Variants in OSBPL10 observed in about 807,000 individuals in gnomAD.
OSBPL10 encodes the protein oxysterol binding protein like 10, also known as oxysterol-binding protein-related protein 10.
In OSBPL10, 49 loss-of-function variants were observed where a neutral mutation model predicts 81.7. That is an observed-to-expected ratio of 0.60 (90% confidence interval 0.48 to 0.76). The LOEUF (loss-of-function observed/expected upper bound fraction) is 0.76. Ranked by LOEUF, OSBPL10 falls within the 30% of genes least tolerant of loss-of-function variation. The probability of loss-of-function intolerance (pLI) is 0.00; values close to 1 mark genes in which losing one functional copy is unlikely to be tolerated. For missense variants in OSBPL10, 923 were observed against 987.8 expected (o/e 0.93, Z 0.88); for synonymous variants, 419 against 383.6 (o/e 1.09, Z -1.08).
intron 1 of OSBPL10, among the ~76,000 whole-genome samples, chr3:31,974,613 C>T (rs1258525898): frequency 2.0e-5 from 3 of 152,118 alleles, no homozygotes; most frequent in Admixed American, 6.6e-5. Flanking sequence ...CCAAACATAA[C>T]GTTAAGAGAA....
At chr3:31,927,261 C>T (rs1271904224) in intron 1 of OSBPL10, among the ~76,000 whole-genome samples, 1 of 152,184 alleles carries the variant, frequency 6.6e-6, no homozygotes, top group African/African-American at 2.4e-5. Flanking sequence ...CCATGAAAAA[C>T]AAGCGTCACT....
intron 1 of OSBPL10, among the ~76,000 whole-genome samples, chr3:31,979,538 T>C (rs1344298682): frequency 6.6e-6 from 1 of 152,098 alleles, no homozygotes; most frequent in East Asian, 1.9e-4. Context: ...TAAGCAACTT[T>C]CCAGGGTATA....
At chr3:31,993,920 A>T (rs9882456) in intron 2 of OSBPL10, among the ~76,000 whole-genome samples, 2,318 of 152,340 alleles carry the variant, frequency 0.015, 66 homozygotes, top group African/African-American at 0.054. Flanking sequence ...TTGTTTGTGA[A>T]TGTTTATTGA....
At chr3:31,722,760 AAAT>A (rs1696686539) in intron 6 of OSBPL10, among the ~76,000 whole-genome samples, 1 of 152,190 alleles carries the variant, frequency 6.6e-6, no homozygotes, top group Non-Finnish European at 1.5e-5. Context: ...ATTTATCAAA[AAAT>A]AACCGTCATT....
chr3:31,736,001 C>T (rs183034585), intron 5 of OSBPL10, among the ~76,000 whole-genome samples: 5 of 152,072 alleles, frequency 3.3e-5, no homozygotes, highest in East Asian at 3.9e-4. Flanking sequence ...CTGAAGAAAT[C>T]GGAGACAGAA....
chr3:31,989,880 T>C, intron 2 of OSBPL10: 1 of 1,614,182 alleles, frequency 6.2e-7, no homozygotes, highest in Non-Finnish European at 8.5e-7. Context: ...GCAAGGTCTT[T>C]AATCAGAAGC....
chr3:32,026,145 G>T (rs2125549030), intron 2 of OSBPL10, among the ~76,000 whole-genome samples: 1 of 151,946 alleles, frequency 6.6e-6, no homozygotes, highest in Middle Eastern at 3.4e-3. Flanking sequence ...GAGATATATA[G>T]ATTTTTTTTT....
At chr3:31,859,571 T>G (rs1021944247) in intron 3 of OSBPL10, among the ~76,000 whole-genome samples, 1 of 152,210 alleles carries the variant, frequency 6.6e-6, no homozygotes, top group African/African-American at 2.4e-5. Flanking sequence ...GGACCCAATC[T>G]CCATCTTGGT....
In OSBPL10 at chr3:31,929,694, G is replaced by A. The variant is rs1697179105; in HGVS notation, c.282-49864C>T. Among the ~76,000 whole-genome samples the A allele has an allele frequency of 5.3e-5, 8 of 150,808 alleles. No homozygotes were observed. The South Asian group carries it at 1.7e-3, about 32-fold the overall frequency. ...ACCCGGGAGGCGGAGCTTGCAGTGA[G>A]CCGAGATAGCGCCACTGGACTCCAG... On this transcript the variant is annotated intron_variant, in intron 1 of 11. Transcript: ENST00000396556.
chr3:31,716,316 TTTTG>T (rs778881280), intron 6 of OSBPL10, among the ~76,000 whole-genome samples: 8 of 152,214 alleles, frequency 5.3e-5, no homozygotes, highest in Admixed American at 1.3e-4. Context: ...ACTTCATACT[TTTTG>T]TTTAAGTGTA....
intron 2 of OSBPL10, chr3:31,990,133 A>T: frequency 6.2e-7 from 1 of 1,611,670 alleles, no homozygotes; most frequent in Non-Finnish European, 8.5e-7. Context: ...AAAGGCTTTC[A>T]GGCGTGATTC....
chr3:31,905,841 C>CAA (rs371224530), intron 1 of OSBPL10, among the ~76,000 whole-genome samples: 7 of 143,250 alleles, frequency 4.9e-5, no homozygotes, highest in African/African-American at 1.0e-4. Context: ...CATTCCCTGA[C>CAA]AAAAAAAAAC....
At position 31,837,321 on chromosome 3, in the gene OSBPL10, T is replaced by TTATATATATA. The variant is rs59797512; in HGVS notation, c.538-7100_538-7091dup. ...ATTCCTAGAATTACAGATCCCCAAA[T>TTATATATATA]TATATATATATATATATATATATAT... On this transcript the variant is annotated intron_variant, in intron 3 of 11. Coordinates refer to ENST00000396556, the MANE Select transcript of OSBPL10 (RefSeq NM_017784.5). Among the ~76,000 whole-genome samples, 3 of 59,088 alleles carry TTATATATATA rather than the reference T, an allele frequency of 5.1e-5. 1 individual carries two copies. The highest frequency in any genetic ancestry group is 1.1e-4 in the Non-Finnish European group (3 of 27,138). The allele number at this position is 59,088 out of a possible 152,430, so 38.8% of individuals were successfully genotyped here.
At chr3:31,684,553 T>C (rs1448625070) in intron 7 of OSBPL10, among the ~76,000 whole-genome samples, 3 of 152,126 alleles carry the variant, frequency 2.0e-5, no homozygotes, top group Non-Finnish European at 2.9e-5. Flanking sequence ...CAAACATGGA[T>C]ACTGGGGTTT....
intron 1 of OSBPL10, among the ~76,000 whole-genome samples, chr3:31,950,830 T>G (rs7621145): frequency 0.02 from 3,036 of 152,274 alleles, 115 homozygotes; most frequent in African/African-American, 0.068. Flanking sequence ...TCTCTCTTGC[T>G]CCCTCTCGCC....
chr3:31,981,191 G>C lies in OSBPL10; in HGVS notation c.-12C>G. 7.1e-7 allele frequency: 1 copy of C among 1,409,454 alleles called. No homozygotes were observed. Among genetic ancestry groups the C allele is most frequent in the Non-Finnish European group, 9.2e-7 (1 of 1,088,480 alleles). The allele number at this position is 1,409,454 out of a possible 1,614,324, so 87.3% of individuals were successfully genotyped here. ...ACTGCCCTCTCCATGGTCCGTGGGC[G>C]CCCGGGACGCGGGTGCCCGCCGCGG... On this transcript the variant is annotated 5_prime_UTR_variant, in exon 1 of 12. Transcript: ENST00000396556. The surrounding 1 kb of genome is among the most constrained non-coding windows in gnomAD (Gnocchi z 4.5).
chr3:32,033,400 C>G (rs1365576280), intron 2 of OSBPL10, among the ~76,000 whole-genome samples: 1 of 152,130 alleles, frequency 6.6e-6, no homozygotes, highest in Admixed American at 6.5e-5. Context: ...TATAAAGTAG[C>G]TGGCACCTAG....
chr3:31,719,655 T>A (rs1024108479), intron 6 of OSBPL10, among the ~76,000 whole-genome samples: 3 of 152,190 alleles, frequency 2.0e-5, no homozygotes, highest in East Asian at 3.8e-4. Flanking sequence ...GGCAATGTAG[T>A]AATACTTATC....
intron 9 of OSBPL10, 44 bp downstream of exon 9, chr3:31,670,753 C>T (rs1455005448): frequency 6.5e-7 from 1 of 1,543,474 alleles, no homozygotes. Flanking sequence ...AAACTCAGGG[C>T]ATCTTGTTAA....
Sources: allele counts gnomAD v4.1 joint callset (sites outside exome capture counted in the v4.1 genomes callset), GRCh38; gene constraint gnomAD v4.1.1; non-coding constraint Gnocchi (gnomAD v3.1); transcripts MANE v1.5; gene names NCBI Gene and HGNC (gene_info 2026-07-23, HGNC 2026-07-21).